Variants in PKP4 observed in about 807,000 individuals in gnomAD.
PKP4 encodes the protein plakophilin-4.
PKP4 carries 90 observed loss-of-function variants against 145.1 expected under a neutral mutation model. The observed-to-expected ratio is 0.62, with a 90% confidence interval of 0.52 to 0.74. PKP4 has a LOEUF of 0.74. Ranked by LOEUF, PKP4 falls within the 30% of genes least tolerant of loss-of-function variation. The pLI is 0.00. For missense variants in PKP4, 1,340 were observed against 1,482.7 expected (o/e 0.90, Z 1.58); for synonymous variants, 563 against 577.2 (o/e 0.98, Z 0.35).
At chr2:158,517,210 C>T (rs566542332) in intron 1 of PKP4, among the ~76,000 whole-genome samples, 2 of 152,202 alleles carry the variant, frequency 1.3e-5, no homozygotes, top group Admixed American at 6.5e-5. Flanking sequence ...GTTTACCATA[C>T]CCTAATTACA....
intron 2 of PKP4, among the ~76,000 whole-genome samples, chr2:158,552,413 A>C (rs1421205117): frequency 6.6e-6 from 1 of 152,218 alleles, no homozygotes; most frequent in African/African-American, 2.4e-5. Flanking sequence ...GGCATCAGGA[A>C]GGGGAGTCTG....
chr2:158,466,981 C>CTTT (rs1690723592), intron 1 of PKP4, among the ~76,000 whole-genome samples: 1 of 152,080 alleles, frequency 6.6e-6, no homozygotes, highest in Non-Finnish European at 1.5e-5. Flanking sequence ...TGAAGTTTTT[C>CTTT]AAAGGGGAAA....
chr2:158,545,822 T>A (rs1298190957), intron 2 of PKP4, among the ~76,000 whole-genome samples: 1 of 152,196 alleles, frequency 6.6e-6, no homozygotes, highest in African/African-American at 2.4e-5. Context: ...AGAATTATGA[T>A]TACTTTTGTT....
chr2:158,614,005 A>G (rs796281931), intron 4 of PKP4, among the ~76,000 whole-genome samples: 22 of 152,328 alleles, frequency 1.4e-4, no homozygotes, highest in African/African-American at 5.3e-4. Context: ...GTTGTACTCA[A>G]ATGCAATCAG....
chr2:158,574,961 G>A (rs773863003), intron 2 of PKP4, among the ~76,000 whole-genome samples: 7 of 152,206 alleles, frequency 4.6e-5, no homozygotes, highest in Non-Finnish European at 7.3e-5. Context: ...CTGTGGGTAC[G>A]TCAATCAAAG....
At chr2:158,568,382 C>T (rs1225749922) in intron 2 of PKP4, among the ~76,000 whole-genome samples, 12 of 152,130 alleles carry the variant, frequency 7.9e-5, no homozygotes, top group Non-Finnish European at 1.5e-4. Context: ...ACCCCTCTGA[C>T]TTTAAGAAGT....
chr2:158,463,247 T>G (rs1690056897), intron 1 of PKP4, among the ~76,000 whole-genome samples: 1 of 152,118 alleles, frequency 6.6e-6, no homozygotes, highest in African/African-American at 2.4e-5. Context: ...TGTATACAAT[T>G]ATTGCGTTTG....
chr2:158,678,718 TC>T (rs1177440834), intron 21 of PKP4, 64 bp downstream of exon 21: 1 of 1,020,376 alleles, frequency 9.8e-7, no homozygotes, highest in Admixed American at 1.7e-5. Context: ...GGGGTCCACG[TC>T]GATTGACTTC....
chr2:158,634,741 A>G (rs965663481), intron 9 of PKP4, among the ~76,000 whole-genome samples: 4 of 152,258 alleles, frequency 2.6e-5, no homozygotes, highest in African/African-American at 9.6e-5. Context: ...GGTCAACAAT[A>G]TATAACGCTG....
rs1283231068 is a variant in PKP4, at chr2:158,524,582, C to A, written c.-5-8598C>A. Among the ~76,000 whole-genome samples the A allele has an allele frequency of 1.9e-4, 4 of 20,752 alleles. 2 individuals carry two copies. In the East Asian group the frequency reaches 4.4e-3, roughly 23 times the overall value. 13.6% of individuals were successfully genotyped at this position (20,752 alleles called of 152,430 possible). A position where few individuals can be genotyped will look rare whatever the true frequency, so the allele number is the denominator to read the frequency against. On this transcript the variant is annotated intron_variant, in intron 1 of 21. Coordinates refer to ENST00000389759, the MANE Select transcript of PKP4 (RefSeq NM_003628.6). ...GGAAGAAACTGCATCAACTAACGAG[C>A]AAAATCACCAGCTAACATCATAATG... is the stretch of plus-strand genomic sequence containing the variant.
intron 7 of PKP4, among the ~76,000 whole-genome samples, 158 bp downstream of exon 7, chr2:158,625,585 G>T (rs1036275045): frequency 2.0e-5 from 3 of 152,186 alleles, no homozygotes; most frequent in African/African-American, 7.2e-5. Flanking sequence ...TTCAGGTTCT[G>T]TAATTCTTAA....
At chr2:158,645,407 G>C (rs578129058) in intron 11 of PKP4, among the ~76,000 whole-genome samples, 1 of 152,310 alleles carries the variant, frequency 6.6e-6, no homozygotes, top group South Asian at 2.1e-4. Flanking sequence ...TTTACCCTGA[G>C]CCTACTGTTA....
At chr2:158,597,370 A>G (rs1406338803) in intron 3 of PKP4, among the ~76,000 whole-genome samples, 1 of 152,224 alleles carries the variant, frequency 6.6e-6, no homozygotes, top group Non-Finnish European at 1.5e-5. Flanking sequence ...TAAGCATCCT[A>G]CTCAATGCCA....
chr2:158,673,308 T>C (rs1292443168), intron 17 of PKP4, among the ~76,000 whole-genome samples: 1 of 152,162 alleles, frequency 6.6e-6, no homozygotes, highest in African/African-American at 2.4e-5. Context: ...CTCCAGACAC[T>C]CAGAATGTAG....
chr2:158,658,546 C>T, intron 12 of PKP4: 1 of 395,170 alleles, frequency 2.5e-6, no homozygotes. Context: ...TCAGAAAGGC[C>T]CTTTCAGTCT....
chr2:158,481,092 T>C (rs576454576), intron 1 of PKP4, among the ~76,000 whole-genome samples: 2 of 152,348 alleles, frequency 1.3e-5, no homozygotes, highest in African/African-American at 2.4e-5. Context: ...TATTATACTT[T>C]TTGTTTTTAA....
chr2:158,673,895 C>G lies in PKP4; in HGVS notation c.3022C>G (p.Gln1008Glu). The change falls in exon 19 of 22, where the codon CAG becomes GAG. Residue 1008 changes from glutamine (Q) to glutamate (E), a missense_variant. Transcript: ENST00000389759. ...CTTAACTCTGCAGGATGGGTGGAAT[C>G]AGAACCATTTTATTACACCTGTGTC... ...RSIYKKDGWN[Q>E]NHFITPVSTL... 6.2e-7 allele frequency: 1 copy of G among 1,606,412 alleles called. No homozygotes were observed. The highest frequency in any genetic ancestry group is 2.2e-5 in the East Asian group (1 of 44,836).
chr2:158,669,820 C>A lies in PKP4; in HGVS notation c.2829C>A (p.His943Gln). 6.2e-7 allele frequency: 1 copy of A among 1,614,060 alleles called. No homozygotes were observed. The highest frequency in any genetic ancestry group is 8.5e-7 in the Non-Finnish European group (1 of 1,179,922). The stretch of plus-strand genomic sequence containing the variant: ...TGGCAGCCATCTGCTGTGCTCTGCA[C>A]GAGGTCACCAGCAAAAACATGGAGA... ...ETMAAICCAL[H>Q]EVTSKNMENA... The change falls in exon 17 of 22, where the codon CAC becomes CAA. Residue 943 changes from histidine (H) to glutamine (Q), a missense_variant. Transcript: ENST00000389759.
At chr2:158,612,031 C>A (rs2051193791) in intron 4 of PKP4, among the ~76,000 whole-genome samples, 1 of 143,858 alleles carries the variant, frequency 7.0e-6, no homozygotes, top group South Asian at 2.2e-4. Flanking sequence ...AAAAAAAAAA[C>A]AGCCTGGAAG....
Sources: allele counts gnomAD v4.1 joint callset (sites outside exome capture counted in the v4.1 genomes callset), GRCh38; gene constraint gnomAD v4.1.1; transcripts MANE v1.5; gene names NCBI Gene and HGNC (gene_info 2026-07-23, HGNC 2026-07-21).